Variants in WWOX observed in about 807,000 individuals in gnomAD.
WWOX encodes WW domain containing oxidoreductase.
In WWOX, 69 loss-of-function variants were observed where a neutral mutation model predicts 46.2. That is an observed-to-expected ratio of 1.49 (90% CI 1.23 to 1.82). WWOX has a LOEUF of 1.82. WWOX is among the 40% of genes most tolerant of loss of function. The pLI, the probability that WWOX is intolerant of heterozygous loss-of-function variation, is 0.00. For missense variants in WWOX, 919 were observed against 542.6 expected (o/e 1.69, Z -6.89); for synonymous variants, 359 against 202.6 (o/e 1.77, Z -6.56).
intron 8 of WWOX, among the ~76,000 whole-genome samples, chr16:78,596,266 T>G (rs766895716): frequency 6.6e-6 from 1 of 152,242 alleles, no homozygotes; most frequent in East Asian, 1.9e-4. Flanking sequence ...TTCATTTGTT[T>G]CATGCAATAG....
intron 5 of WWOX, among the ~76,000 whole-genome samples, chr16:78,301,223 A>C (rs2080035735): frequency 6.6e-6 from 1 of 152,248 alleles, no homozygotes; most frequent in African/African-American, 2.4e-5. Flanking sequence ...GATTTACTGA[A>C]TTATTCACAA....
intron 8 of WWOX, among the ~76,000 whole-genome samples, chr16:78,670,131 G>T (rs1476212092): frequency 1.4e-5 from 2 of 144,054 alleles, no homozygotes; most frequent in Non-Finnish European, 2.9e-5. Flanking sequence ...CTCTGCGTCA[G>T]TAGAGGCCAG....
intron 8 of WWOX, among the ~76,000 whole-genome samples, chr16:79,083,240 A>G (rs1436865953): frequency 2.0e-5 from 3 of 152,142 alleles, no homozygotes; most frequent in Non-Finnish European, 4.4e-5. Flanking sequence ...TGCCATTGCC[A>G]TGTGATTTGC....
chr16:78,768,609 GGCTTTGGA>G (rs1326629786), intron 8 of WWOX, among the ~76,000 whole-genome samples: 1 of 150,950 alleles, frequency 6.6e-6, no homozygotes, highest in Non-Finnish European at 1.5e-5. Context: ...AAAAAAAAAA[GGCTTTGGA>G]GCTTCCTAAT....
chr16:78,310,093 A>T (rs77239276), intron 5 of WWOX, among the ~76,000 whole-genome samples: 1 of 146,106 alleles, frequency 6.8e-6, no homozygotes, highest in African/African-American at 2.6e-5. Context: ...TTTTCTTTCT[A>T]TCATCATCCA....
At chr16:78,656,792 C>T (rs1002218627) in intron 8 of WWOX, among the ~76,000 whole-genome samples, 7 of 152,276 alleles carry the variant, frequency 4.6e-5, no homozygotes, top group African/African-American at 1.4e-4. Context: ...GCGCCACAAT[C>T]CTTAGGCAGA....
rs1232212139 is a variant in WWOX, at chr16:78,662,519, A to G, written c.1056+229767A>G. ...AGGTGCTCATCCCGATACCACTATC[A>G]GGCCCTTTGGACCAGTTGCAAGGAT... On this transcript the variant is annotated intron_variant, in intron 8 of 8. Coordinates refer to ENST00000566780, the MANE Select transcript of WWOX (RefSeq NM_016373.4). Among the ~76,000 whole-genome samples, 10 of 152,214 alleles carry G rather than the reference A, an allele frequency of 6.6e-5. No homozygotes were observed. The South Asian group carries it at 2.1e-3, about 32-fold the overall frequency.
chr16:78,688,173 G>C (rs957134844), intron 8 of WWOX, among the ~76,000 whole-genome samples: 2 of 151,636 alleles, frequency 1.3e-5, no homozygotes, highest in Non-Finnish European at 2.9e-5. Flanking sequence ...AAAAAAAAAT[G>C]TGAGGCCTTA....
intron 8 of WWOX, among the ~76,000 whole-genome samples, chr16:78,473,420 C>G (rs1373912289): frequency 6.8e-6 from 1 of 147,524 alleles, no homozygotes; most frequent in Admixed American, 6.7e-5. Flanking sequence ...ATGAGCCGAC[C>G]TTTTTATGTA....
chr16:78,778,348 G>C lies in WWOX; in HGVS notation c.1056+345596G>C, dbSNP rs551133691. Among the ~76,000 whole-genome samples, 33 of 152,290 alleles carry C rather than the reference G, an allele frequency of 2.2e-4. No individual in the cohort carries two copies. In the Middle Eastern group the frequency reaches 0.01, roughly 47 times the overall value. Reference sequence around the variant, plus strand: ...GGTGGAAGGCAGGTTTCACGTAACTGATTTACCACTTGGTAAAGGAACGAG... The same window carrying C: ...GGTGGAAGGCAGGTTTCACGTAACTCATTTACCACTTGGTAAAGGAACGAG... On this transcript the variant is annotated intron_variant, in intron 8 of 8. Transcript: ENST00000566780.
intron 8 of WWOX, among the ~76,000 whole-genome samples, chr16:78,682,883 T>C (rs945358271): frequency 1.3e-5 from 2 of 152,186 alleles, no homozygotes; most frequent in Non-Finnish European, 2.9e-5. Flanking sequence ...AGATAATGCA[T>C]TGTAGGTGTT....
At chr16:78,485,614 G>T (rs892772979) in intron 8 of WWOX, among the ~76,000 whole-genome samples, 7 of 152,140 alleles carry the variant, frequency 4.6e-5, no homozygotes, top group African/African-American at 1.7e-4. Context: ...GCACGCATTT[G>T]TTCAGCTCTG....
At chr16:79,114,865 C>T (rs1347133726) in intron 8 of WWOX, among the ~76,000 whole-genome samples, 8 of 152,116 alleles carry the variant, frequency 5.3e-5, no homozygotes, top group Non-Finnish European at 7.3e-5. Context: ...CTTTAATGGG[C>T]GTAGATGTTG....
At chr16:79,167,493 G>C (rs571744638) in intron 8 of WWOX, among the ~76,000 whole-genome samples, 60 of 152,194 alleles carry the variant, frequency 3.9e-4, no homozygotes, top group Non-Finnish European at 4.7e-4. Context: ...GGCATCTCTG[G>C]TGTGTCCATC....
At chr16:78,844,810 C>T (rs2052255284) in intron 8 of WWOX, among the ~76,000 whole-genome samples, 1 of 152,188 alleles carries the variant, frequency 6.6e-6, no homozygotes, top group Non-Finnish European at 1.5e-5. Flanking sequence ...TTGGCTGGGG[C>T]ACAGTCTAAC....
chr16:78,892,728 C>T (rs1231609550), intron 8 of WWOX, among the ~76,000 whole-genome samples: 1 of 152,148 alleles, frequency 6.6e-6, no homozygotes, highest in Non-Finnish European at 1.5e-5. Context: ...CTATAGGAGC[C>T]GGTGTCCTGT....
At chr16:78,629,719 C>G (rs919245243) in intron 8 of WWOX, among the ~76,000 whole-genome samples, 1 of 152,190 alleles carries the variant, frequency 6.6e-6, no homozygotes, top group Non-Finnish European at 1.5e-5. Flanking sequence ...CTAATCAACT[C>G]TTTCTCATCA....
At chr16:78,132,560 T>C (rs74781044) in intron 4 of WWOX, among the ~76,000 whole-genome samples, 7,070 of 152,318 alleles carry the variant, frequency 0.046, 250 homozygotes, top group Non-Finnish European at 0.068. Context: ...GGTCATCCAG[T>C]ATCTTGATGT....
intron 8 of WWOX, among the ~76,000 whole-genome samples, chr16:79,041,871 T>C (rs1431262181): frequency 6.6e-6 from 1 of 152,154 alleles, no homozygotes; most frequent in Non-Finnish European, 1.5e-5. Context: ...TGCTCTGTCC[T>C]TTCTCACACG....
Sources: gnomAD v4.1 joint callset for allele counts (sites outside exome capture counted in the v4.1 genomes callset) on GRCh38, gnomAD v4.1.1 for gene constraint, MANE v1.5 for transcripts, NCBI Gene and HGNC (gene_info 2026-07-23, HGNC 2026-07-21) for gene names.